PKNOX2: variants seen among roughly 807,000 people sequenced by gnomAD.
The protein encoded by PKNOX2 is PBX/knotted 1 homeobox 2, also known as homeobox protein PKNOX2.
PKNOX2 carries 14 observed loss-of-function variants against 53.1 expected under a neutral mutation model. The observed-to-expected ratio is 0.26, with a 90% confidence interval of 0.17 to 0.41. The LOEUF (loss-of-function observed/expected upper bound fraction) is 0.41. PKNOX2 is among the 10% of genes least tolerant of loss of function. The pLI, the probability that PKNOX2 is intolerant of heterozygous loss-of-function variation, is 1.00. For missense variants in PKNOX2, 496 were observed against 602.8 expected (o/e 0.82, Z 1.85); for synonymous variants, 257 against 242.8 (o/e 1.06, Z -0.54).
At chr11:125,319,075 G>C (rs571589076) in intron 2 of PKNOX2, among the ~76,000 whole-genome samples, 2 of 152,222 alleles carry the variant, frequency 1.3e-5, no homozygotes, top group South Asian at 4.2e-4. Context: ...CTCAGTTTTT[G>C]ACATGCCTCC....
At chr11:125,242,484 G>T (rs1206288688) in intron 2 of PKNOX2, among the ~76,000 whole-genome samples, 1 of 152,186 alleles carries the variant, frequency 6.6e-6, no homozygotes, top group African/African-American at 2.4e-5. Flanking sequence ...GTGTGTGTCT[G>T]CATGTGCTGG....
chr11:125,199,427 A>G (rs1938175170), intron 1 of PKNOX2, among the ~76,000 whole-genome samples: 1 of 152,212 alleles, frequency 6.6e-6, no homozygotes, highest in Non-Finnish European at 1.5e-5. Flanking sequence ...TTCAGTGCTA[A>G]TTAAATATAT....
At chr11:125,351,416 TC>T in intron 4 of PKNOX2, 24 bp downstream of exon 4, 2 of 1,486,260 alleles carry the variant, frequency 1.3e-6, no homozygotes, top group Non-Finnish European at 1.9e-6. Context: ...GGCCGCTGCC[TC>T]CCACCACGGG....
chr11:125,424,169 A>G (rs1956298153), intron 10 of PKNOX2, among the ~76,000 whole-genome samples: 1 of 151,044 alleles, frequency 6.6e-6, no homozygotes, highest in South Asian at 2.1e-4. Flanking sequence ...TATTTTTTTG[A>G]CCTGGGGGTG....
intron 4 of PKNOX2, among the ~76,000 whole-genome samples, chr11:125,356,184 T>C (rs1008290001): frequency 6.6e-6 from 1 of 152,238 alleles, no homozygotes; most frequent in Non-Finnish European, 1.5e-5. Flanking sequence ...GTCCCTGGCA[T>C]GTCAGCTGCA....
At chr11:125,260,091 T>C (rs1944726358) in intron 2 of PKNOX2, among the ~76,000 whole-genome samples, 2 of 151,998 alleles carry the variant, frequency 1.3e-5, no homozygotes, top group Admixed American at 1.3e-4. Context: ...TTGCTCAGGC[T>C]GGTTTTGAAT....
chr11:125,304,223 G>GC (rs1948269473), intron 2 of PKNOX2, among the ~76,000 whole-genome samples: 1 of 152,242 alleles, frequency 6.6e-6, no homozygotes, highest in Non-Finnish European at 1.5e-5. Flanking sequence ...TGCAGCCCCA[G>GC]CCCCAGGGGC....
chr11:125,411,462 T>TTCTCTCCCTCTC (rs1955510651), intron 9 of PKNOX2: 1 of 236,510 alleles, frequency 4.2e-6, no homozygotes, highest in Non-Finnish European at 7.9e-6. Flanking sequence ...TCCTCTGTCT[T>TTCTCTCCCTCTC]TCTCTCTCTC....
intron 2 of PKNOX2, among the ~76,000 whole-genome samples, chr11:125,262,353 G>A (rs1327549735): frequency 6.6e-6 from 1 of 152,160 alleles, no homozygotes; most frequent in Non-Finnish European, 1.5e-5. Flanking sequence ...CCACGCGTGA[G>A]GATGGAGGAC....
intron 1 of PKNOX2, among the ~76,000 whole-genome samples, chr11:125,175,120 C>T (rs1339219239): frequency 2.0e-5 from 3 of 152,134 alleles, no homozygotes; most frequent in Non-Finnish European, 4.4e-5. Flanking sequence ...CTCCTGCTGA[C>T]TTCTAGATTG....
At chr11:125,306,229 C>G (rs1469187298) in intron 2 of PKNOX2, among the ~76,000 whole-genome samples, 1 of 149,510 alleles carries the variant, frequency 6.7e-6, no homozygotes, top group Admixed American at 6.7e-5. Context: ...TTTTATGGGT[C>G]TGCCTCAGTA....
chr11:125,375,446 G>A (rs1210413232), intron 5 of PKNOX2, among the ~76,000 whole-genome samples: 1 of 152,198 alleles, frequency 6.6e-6, no homozygotes, highest in East Asian at 1.9e-4. Flanking sequence ...CTGCTCACAA[G>A]TAGTACATGG....
intron 10 of PKNOX2, among the ~76,000 whole-genome samples, chr11:125,423,353 C>G (rs1412136008): frequency 6.6e-6 from 1 of 152,084 alleles, no homozygotes; most frequent in Non-Finnish European, 1.5e-5. Flanking sequence ...CCCCCTTTTT[C>G]TCTTCCACAT....
rs367681127 is a variant in PKNOX2 at position 125,409,986 on chromosome 11, A to G, written c.589-210A>G. 265 of 584,178 alleles carry G rather than the reference A, an allele frequency of 4.5e-4. 4 individuals are homozygous for G. In the South Asian group the frequency reaches 5.2e-3, roughly 11 times the overall value. 36.2% of individuals were successfully genotyped at this position (584,178 alleles called of 1,614,324 possible). A position where few individuals can be genotyped will look rare whatever the true frequency, so the allele number is the denominator to read the frequency against. On this transcript the variant is annotated intron_variant, in intron 7 of 12. Coordinates refer to ENST00000298282, the MANE Select transcript of PKNOX2 (RefSeq NM_001382323.2). ...GGGCAATGGAATGGTTAAATGGGTG[A>G]CTCTTTTTGTTTTTGTTTTTTTTAA...
At position 125,167,183 on chromosome 11, in the gene PKNOX2, AGT is replaced by A. The variant is rs1349541701; in HGVS notation, c.-201+2415_-201+2416del. ...TTATTCTCTGGGCATCTAGAGAAAG[AGT>A]GTGTGTGGGGGGTGGGAGCGGGGGG... On this transcript the variant is annotated intron_variant, in intron 1 of 12. Transcript: ENST00000298282. Among the ~76,000 whole-genome samples, 5 of 59,294 alleles carry A rather than the reference AGT, an allele frequency of 8.4e-5. No homozygotes were observed. In the East Asian group the frequency reaches 2.6e-3, roughly 30 times the overall value. 38.9% of individuals were successfully genotyped at this position (59,294 alleles called of 152,430 possible).
At chr11:125,257,516 G>A (rs751519006) in intron 2 of PKNOX2, among the ~76,000 whole-genome samples, 1 of 152,124 alleles carries the variant, frequency 6.6e-6, no homozygotes, top group Admixed American at 6.5e-5. Flanking sequence ...CTTCGGAATC[G>A]AACAAATCTG....
In PKNOX2 at chr11:125,432,549, G is replaced by T. The variant is rs1277199787; in HGVS notation, c.*1157G>T. The T allele has an allele frequency of 1.3e-5, 2 of 152,708 alleles. No homozygotes were observed. Among genetic ancestry groups the T allele is most frequent in the Non-Finnish European group, 2.9e-5 (2 of 68,104 alleles). The allele number at this position is 152,708 out of a possible 1,614,324, so 9.5% of individuals were successfully genotyped here. On this transcript the variant is annotated 3_prime_UTR_variant, in exon 13 of 13. Coordinates refer to ENST00000298282, the MANE Select transcript of PKNOX2 (RefSeq NM_001382323.2). ...GGAGGGCCCAGAGAATGGCACCCAA[G>T]AGCCTGCGGGGATGCCCATCCCACA...
chr11:125,186,499 A>G (rs1402274456), intron 1 of PKNOX2, among the ~76,000 whole-genome samples: 1 of 152,166 alleles, frequency 6.6e-6, no homozygotes, highest in Non-Finnish European at 1.5e-5. Flanking sequence ...CAAAAAATAA[A>G]AAATTAGCTG....
intron 2 of PKNOX2, among the ~76,000 whole-genome samples, chr11:125,241,142 G>A (rs539281009): frequency 2.0e-5 from 3 of 152,200 alleles, no homozygotes; most frequent in Admixed American, 6.5e-5. Flanking sequence ...TTCAACCCTG[G>A]TCTACTTTCC....
Sources: gnomAD v4.1 joint callset for allele counts (sites outside exome capture counted in the v4.1 genomes callset) on GRCh38, gnomAD v4.1.1 for gene constraint, MANE v1.5 for transcripts, NCBI Gene and HGNC (gene_info 2026-07-23, HGNC 2026-07-21) for gene names.